Variants in LYRM4 observed in about 807,000 individuals in gnomAD.
The protein encoded by LYRM4 is LYR motif containing 4, also known as LYR motif-containing protein 4.
LYRM4 carries 9 observed loss-of-function variants against 11.7 expected under a neutral mutation model. The observed-to-expected ratio is 0.77, with a 90% CI of 0.46 to 1.34. The LOEUF is 1.34. Ranked by LOEUF, LYRM4 falls within the 40% of genes most tolerant of loss-of-function variation. LYRM4 has a pLI of 0.00. For missense variants in LYRM4, 133 were observed against 112.5 expected, an observed-to-expected ratio of 1.18 and a Z score of -0.82; for synonymous variants, 42 against 40.4, an observed-to-expected ratio of 1.04 and a Z score of -0.15.
chr6:5,091,183 G>A, the LYRM4 span, among the ~76,000 whole-genome samples: 88 of 152,336 alleles, frequency 5.8e-4, 2 homozygotes, highest in South Asian at 0.015. Flanking sequence ...CTGGAATCAG[G>A]GATGTGCTGC....
the LYRM4 span, among the ~76,000 whole-genome samples, chr6:5,069,753 AT>A: frequency 0.011 from 1,675 of 152,258 alleles, 29 homozygotes; most frequent in African/African-American, 0.039. Flanking sequence ...TGCTGGGATT[AT>A]AGGCGTGAGC....
chr6:5,173,506 T>TG (rs1759544232), intron 2 of LYRM4, among the ~76,000 whole-genome samples: 1 of 152,254 alleles, frequency 6.6e-6, no homozygotes, highest in Admixed American at 6.5e-5. Context: ...GCATTAAAGA[T>TG]GCCACACTTT....
the LYRM4 span, among the ~76,000 whole-genome samples, chr6:5,061,518 C>T: frequency 6.6e-6 from 1 of 152,200 alleles, no homozygotes; most frequent in African/African-American, 2.4e-5. Context: ...TATTAGTTGC[C>T]TCCCAAGCTT....
Position 5,108,886 on chromosome 6 carries a change from C to T in LYRM4, c.*537G>A, listed in dbSNP as rs1190083264. 7 of 989,210 alleles carry T rather than the reference C, an allele frequency of 7.1e-6. No individual in the cohort carries two copies. In the East Asian group the frequency reaches 3.3e-4, roughly 47 times the overall value. The allele number at this position is 989,210 out of a possible 1,614,324, so 61.3% of individuals were successfully genotyped here. Reference sequence around the variant, plus strand: ...ATAAGTTGCAGGGTGCACCGTGTATCCCCGTAGCCCTGCCCTACTCCATGC... The same window carrying T: ...ATAAGTTGCAGGGTGCACCGTGTATTCCCGTAGCCCTGCCCTACTCCATGC... On this transcript the variant is annotated 3_prime_UTR_variant, in exon 3 of 3. Transcript: ENST00000330636.
intron 2 of LYRM4, among the ~76,000 whole-genome samples, chr6:5,139,807 C>T (rs1340988633): frequency 6.6e-6 from 1 of 150,788 alleles, no homozygotes; most frequent in Non-Finnish European, 1.5e-5. Flanking sequence ...CAGGCTGGGG[C>T]GTGGTGGGTC....
chr6:5,231,896 TCTATAACATCC>T (rs1763263435), intron 1 of LYRM4, among the ~76,000 whole-genome samples: 3 of 152,234 alleles, frequency 2.0e-5, no homozygotes, highest in African/African-American at 7.2e-5. Flanking sequence ...ATAATTTATT[TCTATAACATCC>T]CTGTGAATCA....
intron 1 of LYRM4, among the ~76,000 whole-genome samples, chr6:5,247,050 A>G (rs1764227907): frequency 1.3e-5 from 2 of 152,316 alleles, no homozygotes; most frequent in African/African-American, 4.8e-5. Context: ...CCGGGTGCTG[A>G]GACTGATGGT....
the LYRM4 span, among the ~76,000 whole-genome samples, chr6:5,055,302 C>G: frequency 6.6e-6 from 1 of 152,186 alleles, no homozygotes; most frequent in Non-Finnish European, 1.5e-5. This position sits in a 1 kb window ranked among gnomAD's most constrained non-coding sequence, Gnocchi z 4.5. Flanking sequence ...CACATGTTCT[C>G]AGGACCTCCT....
chr6:5,123,367 C>T (rs368952121), intron 2 of LYRM4, among the ~76,000 whole-genome samples: 91 of 152,260 alleles, frequency 6.0e-4, no homozygotes, highest in Middle Eastern at 3.4e-3. Context: ...GGACAGGGGG[C>T]GGTGAGCAGG....
At chr6:5,158,630 C>T (rs1758560734) in intron 2 of LYRM4, among the ~76,000 whole-genome samples, 1 of 152,158 alleles carries the variant, frequency 6.6e-6, no homozygotes, top group Admixed American at 6.5e-5. Context: ...GCATGCACCA[C>T]CATGCCCGAC....
the LYRM4 span, among the ~76,000 whole-genome samples, chr6:5,097,481 TGGGACTACA>T: frequency 4.6e-5 from 7 of 152,184 alleles, no homozygotes; most frequent in East Asian, 1.9e-4. Flanking sequence ...CCTAAGTAGC[TGGGACTACA>T]GGCATGAGCC....
chr6:5,235,558 C>A (rs542796966), intron 1 of LYRM4, among the ~76,000 whole-genome samples: 3 of 152,188 alleles, frequency 2.0e-5, no homozygotes, highest in South Asian at 2.1e-4. Context: ...GCCATTATAG[C>A]AAATTGCTAA....
chr6:5,057,810 G>T, the LYRM4 span, among the ~76,000 whole-genome samples: 112,698 of 151,264 alleles, frequency 0.75, 43,431 homozygotes, highest in Admixed American at 0.85. Flanking sequence ...TCACCCAGGC[G>T]GAGTGCAGTG....
chr6:5,233,230 C>G (rs977127255), intron 1 of LYRM4, among the ~76,000 whole-genome samples: 2 of 152,192 alleles, frequency 1.3e-5, no homozygotes, highest in Admixed American at 6.5e-5. Flanking sequence ...TTGGGGAGGG[C>G]CTTCTGATTG....
At chr6:5,246,395 A>T (rs1764198066) in intron 1 of LYRM4, among the ~76,000 whole-genome samples, 1 of 152,196 alleles carries the variant, frequency 6.6e-6, no homozygotes, top group African/African-American at 2.4e-5. Context: ...TTCTGGAGTC[A>T]AAGATTGGGT....
the LYRM4 span, among the ~76,000 whole-genome samples, chr6:5,064,215 C>G: frequency 6.6e-6 from 1 of 151,750 alleles, no homozygotes; most frequent in Admixed American, 6.6e-5. Context: ...AAGGTGGGAG[C>G]AGAAATAAGG....
chr6:5,211,973 G>C (rs933012781), intron 2 of LYRM4, among the ~76,000 whole-genome samples: 2 of 152,202 alleles, frequency 1.3e-5, no homozygotes, highest in Admixed American at 1.3e-4. Flanking sequence ...GTTTTCTCTA[G>C]ACATGAGGCT....
chr6:5,101,689 G>C (rs1006014903), downstream of LYRM4, among the ~76,000 whole-genome samples: 3 of 152,184 alleles, frequency 2.0e-5, no homozygotes, highest in African/African-American at 4.8e-5. Flanking sequence ...CAGCCAGCTA[G>C]TGGCTGGGCT....
chr6:5,101,774 C>T (rs1264883552), downstream of LYRM4, among the ~76,000 whole-genome samples: 1 of 151,918 alleles, frequency 6.6e-6, no homozygotes, highest in East Asian at 1.9e-4. Flanking sequence ...TTCTTTTCAC[C>T]ATCCTCAAAA....
Sources: gnomAD v4.1 joint callset for allele counts (sites outside exome capture counted in the v4.1 genomes callset) on GRCh38, gnomAD v4.1.1 for gene constraint, Gnocchi (gnomAD v3.1) non-coding constraint, MANE v1.5 for transcripts, NCBI Gene and HGNC (gene_info 2026-07-23, HGNC 2026-07-21) for gene names.